ZFYVE28: variants seen among roughly 807,000 people sequenced by gnomAD.
ZFYVE28 encodes the protein lateral signaling target protein 2 homolog.
A neutral mutation model predicts 82.1 loss-of-function variants in ZFYVE28; 40 were observed. The observed-to-expected ratio is 0.49, with a 90% confidence interval of 0.38 to 0.63. The LOEUF is 0.63. Ranked by LOEUF, ZFYVE28 falls within the 30% of genes least tolerant of loss-of-function variation. The pLI is 0.00. For synonymous variants in ZFYVE28, 612 were observed against 546.1 expected (o/e 1.12, Z -1.68); for missense variants, 1,321 against 1,242.1 (o/e 1.06, Z -0.96).
rs1560291346 is a variant in ZFYVE28, at chr4:2,366,204, C to T, written c.40-12131G>A. 2.0e-5 allele frequency among the ~76,000 whole-genome samples: 3 copies of T among 152,218 alleles called. 1 individual carries two copies. Among genetic ancestry groups the T allele is most frequent in the Admixed American group, 2.0e-4 (3 of 15,282 alleles). ...AACATAGGCGTGAACTCTACACGCA[C>T]CAAAAACATTCACGTGTACATTCTG... On this transcript the variant is annotated intron_variant, in intron 1 of 12. Coordinates refer to ENST00000290974, the MANE Select transcript of ZFYVE28 (RefSeq NM_020972.3).
At chr4:2,345,907 GA>G (rs753202109) in intron 2 of ZFYVE28, among the ~76,000 whole-genome samples, 7 of 151,986 alleles carry the variant, frequency 4.6e-5, no homozygotes, top group Non-Finnish European at 8.8e-5. Flanking sequence ...TATTAAGGGG[GA>G]AAAAATATCA....
intron 2 of ZFYVE28, 32 bp downstream of exon 2, chr4:2,353,901 G>T: frequency 8.2e-6 from 12 of 1,467,816 alleles, no homozygotes; most frequent in Non-Finnish European, 1.1e-5. Flanking sequence ...TGCCCAGCGG[G>T]GCCAGCCAGC....
chr4:2,313,891 G>A (rs1209216150), intron 7 of ZFYVE28, among the ~76,000 whole-genome samples: 1 of 150,630 alleles, frequency 6.6e-6, no homozygotes, highest in Non-Finnish European at 1.5e-5. Context: ...GGCAATTGTT[G>A]GATGTAACTT....
rs148716654 is a variant in ZFYVE28, at chr4:2,348,280, C to G, written c.180+5653G>C. Among the ~76,000 whole-genome samples the G allele has an allele frequency of 5.2e-3, 787 of 152,206 alleles. 4 individuals are homozygous for G. The highest frequency in any genetic ancestry group is 9.7e-3 in the South Asian group (47 of 4,826). The stretch of plus-strand genomic sequence containing the variant: ...AGAAATTTCTGAAATAATGTGAAAA[C>G]CCTATATTTATTCAAGAAATTAAAT... On this transcript the variant is annotated intron_variant, in intron 2 of 12. Transcript: ENST00000290974.
chr4:2,393,674 T>C (rs1426712221), intron 1 of ZFYVE28, among the ~76,000 whole-genome samples: 2 of 152,196 alleles, frequency 1.3e-5, no homozygotes, highest in African/African-American at 4.8e-5. Context: ...ACTGGCTTTT[T>C]TCACTCCACA....
At position 2,271,411 on chromosome 4, in the gene ZFYVE28, G is replaced by C. The variant is rs201539304; in HGVS notation, c.2432C>G (p.Pro811Arg). The C allele has an allele frequency of 9.8e-5, 158 of 1,612,676 alleles. 1 individual carries two copies. The highest frequency in any genetic ancestry group is 1.3e-4 in the Non-Finnish European group (149 of 1,179,792). Residue 811 changes from proline to arginine, a missense_variant, in exon 12 of 13, where the codon CCC (proline) becomes CGC (arginine). By Grantham distance (103) the Pro-to-Arg change is moderately radical. This residue lies in a region of ZFYVE28 where 978 missense variants were observed against 833.7 expected (regional missense o/e 1.17). Transcript: ENST00000290974. The stretch of plus-strand genomic sequence containing the variant: ...GGCCTCGTCTGGCACCCACTCCGGG[G>C]GGTCTGTCACAACAACAGCAGCGTC... Reference protein sequence around the residue: ...AKTRDGDFEDPPEWVPDEACG... With the variant: ...AKTRDGDFEDRPEWVPDEACG...
At chr4:2,292,091 A>G (rs1038107106) in intron 8 of ZFYVE28, among the ~76,000 whole-genome samples, 2 of 152,180 alleles carry the variant, frequency 1.3e-5, no homozygotes, top group African/African-American at 4.8e-5. Context: ...GTGCTCTGGG[A>G]CACAGCATGG....
rs1223969694 is a variant in ZFYVE28 at position 2,417,727 on chromosome 4, G to A, written c.39+558C>T. Among the ~76,000 whole-genome samples, 1 of 152,126 alleles carries A rather than the reference G, an allele frequency of 6.6e-6. No individual in the cohort carries two copies. Among genetic ancestry groups the A allele is most frequent in the East Asian group, 1.9e-4 (1 of 5,172 alleles). On this transcript the variant is annotated intron_variant, in intron 1 of 12. Coordinates refer to ENST00000290974, the MANE Select transcript of ZFYVE28 (RefSeq NM_020972.3). This position sits in a 1 kb window ranked among gnomAD's most constrained non-coding sequence, Gnocchi z 4.8. ...ATCCTCTCTGGACATGGAAGGACGG[G>A]TCTGCCCTGGACCCAGGGATTGGGA...
chr4:2,341,285 A>T lies in ZFYVE28; in HGVS notation c.318+193T>A. The stretch of plus-strand genomic sequence containing the variant: ...TGTATAGTTTTGGGGGCACCAGTTC[A>T]TGGCTTTCCCAGATCCTCCAGGGGT... On this transcript the variant is annotated intron_variant, in intron 3 of 12. Transcript: ENST00000290974. This position sits in a 1 kb window ranked among gnomAD's most constrained non-coding sequence, Gnocchi z 4.5. 1 of 720,420 alleles carries T rather than the reference A, an allele frequency of 1.4e-6. No individual in the cohort carries two copies. Among genetic ancestry groups the T allele is most frequent in the Non-Finnish European group, 2.3e-6 (1 of 441,334 alleles). 44.6% of individuals were successfully genotyped at this position (720,420 alleles called of 1,614,324 possible). A position where few individuals can be genotyped will look rare whatever the true frequency, so the allele number is the denominator to read the frequency against.
intron 6 of ZFYVE28, chr4:2,328,931 C>A (rs993420207): frequency 8.3e-6 from 4 of 481,784 alleles, no homozygotes; most frequent in Middle Eastern, 5.1e-4. Flanking sequence ...AATCAGTTCA[C>A]CATAGATGTT....
intron 7 of ZFYVE28, among the ~76,000 whole-genome samples, chr4:2,308,683 G>GAAAGAGAGAGAAAGAAAGAAAAGA (rs1553830775): frequency 4.9e-5 from 4 of 81,442 alleles, no homozygotes; most frequent in African/African-American, 2.0e-4. Flanking sequence ...GAAAGAGAAA[G>GAAAGAGAGAGAAAGAAAGAAAAGA]AAAGAAAAGA....
At chr4:2,352,247 C>A (rs1263710062) in intron 2 of ZFYVE28, among the ~76,000 whole-genome samples, 9 of 152,082 alleles carry the variant, frequency 5.9e-5, no homozygotes, top group African/African-American at 2.2e-4. Flanking sequence ...GGGAGCACAC[C>A]TGGATCTGCG....
Position 2,270,795 on chromosome 4 carries a change from G to T in ZFYVE28, c.2594C>A (p.Pro865Gln), listed in dbSNP as rs575982537. The part of the protein sequence containing the change: ...APLPRYGQVK[P>Q]VRVCTHCYMF... The stretch of plus-strand genomic sequence containing the variant: ...GTAGCAGTGGGTGCACACTCGGACC[G>T]GCTTCACCTGCCCGTAGCGGGGCAG... Residue 865 changes from proline (P) to glutamine (Q), a missense_variant, in exon 13 of 13, where the codon CCG becomes CAG. By Grantham distance (76) the Pro-to-Gln change is moderately conservative. This residue lies in a region of ZFYVE28 where 978 missense variants were observed against 833.7 expected (regional missense o/e 1.17). Coordinates refer to ENST00000290974, the MANE Select transcript of ZFYVE28 (RefSeq NM_020972.3). The T allele has an allele frequency of 6.2e-7, 1 of 1,613,148 alleles. No individual in the cohort carries two copies. The highest frequency in any genetic ancestry group is 8.5e-7 in the Non-Finnish European group (1 of 1,179,940).
chr4:2,270,966 G>A, intron 12 of ZFYVE28, 110 bp from the exon 13 acceptor site: 1 of 1,481,638 alleles, frequency 6.7e-7, no homozygotes, highest in Non-Finnish European at 9.1e-7. Flanking sequence ...TTGGTGGGTG[G>A]GGACTGCCCA....
intron 8 of ZFYVE28, among the ~76,000 whole-genome samples, chr4:2,290,264 T>C (rs1713415747): frequency 1.3e-5 from 2 of 152,188 alleles, no homozygotes; most frequent in Non-Finnish European, 2.9e-5. Context: ...CTGGAAGGTG[T>C]GTGACCACAA....
At chr4:2,312,681 C>T (rs1207974922) in intron 7 of ZFYVE28, among the ~76,000 whole-genome samples, 4 of 137,670 alleles carry the variant, frequency 2.9e-5, no homozygotes, top group African/African-American at 8.3e-5. Flanking sequence ...TGAGCGAGAT[C>T]GCGCCACTGC....
At chr4:2,403,430 T>TG (rs1280392306) in intron 1 of ZFYVE28, among the ~76,000 whole-genome samples, 2 of 152,226 alleles carry the variant, frequency 1.3e-5, no homozygotes, top group African/African-American at 4.8e-5. Flanking sequence ...AGCACGGCCC[T>TG]GGCCATCCCT....
At chr4:2,329,216 C>T (rs1720320097) in intron 6 of ZFYVE28, 3 of 616,132 alleles carry the variant, frequency 4.9e-6, no homozygotes, top group Non-Finnish European at 9.1e-6. Flanking sequence ...TGGAGTATTG[C>T]CATTCTAACT....
At chr4:2,296,586 G>A (rs1472711660) in intron 8 of ZFYVE28, among the ~76,000 whole-genome samples, 1 of 152,136 alleles carries the variant, frequency 6.6e-6, no homozygotes, top group African/African-American at 2.4e-5. Context: ...AGGTCTCGGT[G>A]TTCCCTGCAG....
Sources: allele counts gnomAD v4.1 joint callset (sites outside exome capture counted in the v4.1 genomes callset), GRCh38; gene constraint gnomAD v4.1.1; regional missense constraint gnomAD v4.1.1; non-coding constraint Gnocchi (gnomAD v3.1); transcripts MANE v1.5; gene names NCBI Gene and HGNC (gene_info 2026-07-23, HGNC 2026-07-21).